Variants in CERS6 observed in about 807,000 individuals in gnomAD.
CERS6 encodes the protein LAG1 homolog, ceramide synthase 6.
Under a neutral mutation model 56.8 loss-of-function variants are expected in CERS6, and 26 were observed. The observed-to-expected ratio is 0.46, with a 90% confidence interval of 0.34 to 0.63. CERS6 has a LOEUF of 0.63. CERS6 is among the 30% of genes least tolerant of loss of function. The probability of loss-of-function intolerance (pLI) is 0.01; values close to 1 mark genes in which losing one functional copy is unlikely to be tolerated. For missense variants in CERS6, 415 were observed against 467.5 expected, an observed-to-expected ratio of 0.89 and a Z score of 1.04; for synonymous variants, 164 against 173.3, an observed-to-expected ratio of 0.95 and a Z score of 0.42.
At chr2:168,659,209 G>A (rs1019452235) in intron 4 of CERS6, among the ~76,000 whole-genome samples, 1 of 152,132 alleles carries the variant, frequency 6.6e-6, no homozygotes, top group Non-Finnish European at 1.5e-5. Flanking sequence ...CTTGCCTTCA[G>A]TTTGTCACTA....
chr2:168,667,503 CAG>C (rs1310021228), intron 4 of CERS6, among the ~76,000 whole-genome samples: 14 of 152,178 alleles, frequency 9.2e-5, no homozygotes, highest in African/African-American at 2.9e-4. Context: ...TAAAAGTTAT[CAG>C]AGACTTGAGT....
At chr2:168,458,556 A>G (rs897295860) in intron 1 of CERS6, among the ~76,000 whole-genome samples, 10 of 152,030 alleles carry the variant, frequency 6.6e-5, no homozygotes, top group African/African-American at 2.4e-4. Context: ...TAGAGTTTAC[A>G]TAGAGGGGTG....
intron 9 of CERS6, among the ~76,000 whole-genome samples, chr2:168,767,629 C>T (rs574256093): frequency 1.3e-5 from 2 of 152,306 alleles, no homozygotes; most frequent in Admixed American, 6.5e-5. Context: ...CACTGGTTGG[C>T]ATAAAGCAGT....
intron 3 of CERS6, among the ~76,000 whole-genome samples, chr2:168,573,509 G>A (rs1315661433): frequency 6.6e-6 from 1 of 152,172 alleles, no homozygotes; most frequent in African/African-American, 2.4e-5. Flanking sequence ...AAGGAACAGT[G>A]TTTATCTAGT....
At chr2:168,485,953 G>A (rs1043885940) in intron 1 of CERS6, among the ~76,000 whole-genome samples, 2 of 152,122 alleles carry the variant, frequency 1.3e-5, no homozygotes, top group Admixed American at 6.5e-5. Flanking sequence ...TTCCAAACTG[G>A]TTGTACCATT....
chr2:168,579,521 T>A (rs978558801), intron 3 of CERS6, among the ~76,000 whole-genome samples: 2 of 152,178 alleles, frequency 1.3e-5, no homozygotes, highest in Admixed American at 6.6e-5. Flanking sequence ...CTCAGAGTTA[T>A]CTGTGCATTC....
intron 1 of CERS6, among the ~76,000 whole-genome samples, chr2:168,533,434 A>C (rs1159779034): frequency 6.6e-6 from 1 of 152,132 alleles, no homozygotes; most frequent in East Asian, 1.9e-4. Context: ...AATACCTTTT[A>C]TTTCTTTCTC....
At chr2:168,746,785 AT>A (rs1684110454) in intron 8 of CERS6, among the ~76,000 whole-genome samples, 1 of 75,688 alleles carries the variant, frequency 1.3e-5, no homozygotes, top group African/African-American at 5.5e-5. Flanking sequence ...GTATATATAT[AT>A]ATATATATAT....
intron 4 of CERS6, among the ~76,000 whole-genome samples, chr2:168,656,565 T>C (rs893630849): frequency 2.0e-5 from 3 of 151,876 alleles, no homozygotes; most frequent in African/African-American, 7.3e-5. Context: ...GTAGCGCGTC[T>C]GGAGTTGTTC....
chr2:168,618,185 T>C (rs557110426), intron 3 of CERS6, among the ~76,000 whole-genome samples: 1 of 152,344 alleles, frequency 6.6e-6, no homozygotes, highest in South Asian at 2.1e-4. Flanking sequence ...CCAGCATGGC[T>C]TTATGTTTAA....
intron 9 of CERS6, among the ~76,000 whole-genome samples, chr2:168,766,925 A>G (rs1357977326): frequency 6.6e-6 from 1 of 152,232 alleles, no homozygotes; most frequent in Non-Finnish European, 1.5e-5. Flanking sequence ...TGATCAATTA[A>G]TTGTTCAGAA....
chr2:168,466,394 A>G (rs1350647989), intron 1 of CERS6, among the ~76,000 whole-genome samples: 2 of 152,194 alleles, frequency 1.3e-5, no homozygotes, highest in Admixed American at 6.5e-5. Context: ...GGCCACAGGT[A>G]TATCCTATGG....
At chr2:168,736,136 T>C (rs181167648) in intron 8 of CERS6, among the ~76,000 whole-genome samples, 21 of 152,336 alleles carry the variant, frequency 1.4e-4, no homozygotes, top group East Asian at 1.9e-4. Context: ...ATCAGCACTC[T>C]TCTCATACTT....
At chr2:168,521,934 A>G (rs1694989495) in intron 1 of CERS6, among the ~76,000 whole-genome samples, 1 of 152,242 alleles carries the variant, frequency 6.6e-6, no homozygotes, top group African/African-American at 2.4e-5. Context: ...CAAAAGTAAA[A>G]TAGAGGCATG....
At chr2:168,644,383 T>C (rs1424214778) in intron 4 of CERS6, 1 of 983,102 alleles carries the variant, frequency 1.0e-6, no homozygotes, top group Non-Finnish European at 1.2e-6. Context: ...GCAGCAGATA[T>C]GAGAATGATG....
chr2:168,734,475 A>G (rs531460300), intron 8 of CERS6, among the ~76,000 whole-genome samples: 118 of 152,316 alleles, frequency 7.7e-4, no homozygotes, highest in Non-Finnish European at 1.4e-3. Flanking sequence ...ACACTGAACC[A>G]TTTATGCCAC....
intron 4 of CERS6, among the ~76,000 whole-genome samples, chr2:168,686,579 G>C (rs550295290): frequency 6.6e-6 from 1 of 152,030 alleles, no homozygotes; most frequent in Non-Finnish European, 1.5e-5. Context: ...TACAGGATTT[G>C]GAGGTCCTTT....
intron 1 of CERS6, among the ~76,000 whole-genome samples, chr2:168,489,014 G>T (rs1694321724): frequency 6.6e-6 from 1 of 152,026 alleles, no homozygotes; most frequent in South Asian, 2.1e-4. Context: ...TTTTTGTGAA[G>T]ATTCCAATTT....
chr2:168,753,129 G>T (rs1173990976), intron 8 of CERS6, among the ~76,000 whole-genome samples: 1 of 152,194 alleles, frequency 6.6e-6, no homozygotes, highest in African/African-American at 2.4e-5. Flanking sequence ...TGAGGAAACA[G>T]GCTTGGAGAA....
Sources: allele counts gnomAD v4.1 joint callset (sites outside exome capture counted in the v4.1 genomes callset), GRCh38; gene constraint gnomAD v4.1.1; transcripts MANE v1.5; gene names NCBI Gene and HGNC (gene_info 2026-07-23, HGNC 2026-07-21).